OTOP3: variants seen among roughly 807,000 people sequenced by gnomAD.
OTOP3 encodes the protein otopetrin 3, also known as proton channel OTOP3.
In OTOP3, 41 loss-of-function variants were observed where a neutral mutation model predicts 50.8. That is an observed-to-expected ratio of 0.81 (90% confidence interval 0.63 to 1.05). OTOP3 has a LOEUF of 1.05. Ranked by LOEUF, OTOP3 falls within the 50% of genes least tolerant of loss-of-function variation. The probability of loss-of-function intolerance (pLI) is 0.00; values close to 1 mark genes in which losing one functional copy is unlikely to be tolerated. For synonymous variants in OTOP3, 320 were observed against 324.4 expected, an observed-to-expected ratio of 0.99 and a Z score of 0.14; for missense variants, 788 against 760.8, an observed-to-expected ratio of 1.04 and a Z score of -0.42.
chr17:74,943,764 A>T, intron 5 of OTOP3, 40 bp downstream of exon 5: 1 of 1,019,230 alleles, frequency 9.8e-7, no homozygotes, highest in East Asian at 2.8e-5. Context: ...CCTGAAACAC[A>T]CACACACACA....
rs377020764 is a variant in OTOP3 at position 74,941,802 on chromosome 17, G to C, written c.429G>C (p.Trp143Cys). Residue 143 changes from tryptophan to cysteine, a missense_variant, in exon 2 of 7, where the codon TGG becomes TGC. By Grantham distance (215) the Trp-to-Cys change is radical. Transcript: ENST00000328801. ...AAGATCCCCACGCGGGGCCCCTCTG[G>C]GTGCGGGGTGAGTGTCAGGTTGCTG... ...LYQDPHAGPL[W>C]VRGSLVLFGS... The C allele has an allele frequency of 9.0e-5, 145 of 1,608,814 alleles. No homozygotes were observed. The highest frequency in any genetic ancestry group is 1.2e-4 in the Non-Finnish European group (139 of 1,176,838).
chr17:74,941,417 C>A lies in OTOP3; in HGVS notation c.44C>A (p.Pro15His). Residue 15 changes from proline (P) to histidine (H), a missense_variant, in exon 2 of 7, where the codon CCT (proline) becomes CAT (histidine). Physicochemically the swap from Pro to His is moderately conservative, Grantham distance 77 (BLOSUM62 -2). Coordinates refer to ENST00000328801, the MANE Select transcript of OTOP3 (RefSeq NM_001272005.2). ...ASAPAEATPM[P>H]SSEAQETEAA... ...GCCCCTGCTGAGGCTACACCCATGC[C>A]TTCTTCAGAAGCACAGGAGACTGAA... 4 of 1,552,266 alleles carry A rather than the reference C, an allele frequency of 2.6e-6. No homozygotes were observed. The highest frequency in any genetic ancestry group is 3.5e-6 in the Non-Finnish European group (4 of 1,148,894).
intron 5 of OTOP3, among the ~76,000 whole-genome samples, 160 bp from the exon 6 acceptor site, chr17:74,946,501 A>G (rs1191495147): frequency 2.0e-5 from 3 of 152,168 alleles, no homozygotes; most frequent in Admixed American, 1.3e-4. Context: ...GGGATTTGTG[A>G]TCTCTTTGCC....
intron 6 of OTOP3, 47 bp downstream of exon 6, chr17:74,947,522 G>T (rs2039241879): frequency 6.7e-7 from 1 of 1,491,208 alleles, no homozygotes. Context: ...TGGCCAGGCA[G>T]ACCCAGAAAG....
At chr17:74,942,278 A>G (rs1338096032) in intron 3 of OTOP3, among the ~76,000 whole-genome samples, 2 of 152,162 alleles carry the variant, frequency 1.3e-5, no homozygotes, top group African/African-American at 4.8e-5. Flanking sequence ...CCAGCTGTCT[A>G]TGCGTATGTA....
intron 5 of OTOP3, among the ~76,000 whole-genome samples, chr17:74,946,022 G>C (rs2039221546): frequency 6.6e-6 from 1 of 151,890 alleles, no homozygotes; most frequent in Non-Finnish European, 1.5e-5. Context: ...CTGTCGCCCA[G>C]GCTGGAGTGC....
chr17:74,941,540 C>G lies in OTOP3; in HGVS notation c.167C>G (p.Ser56Cys). The change falls in exon 2 of 7, where the codon TCT (serine) becomes TGT (cysteine). Residue 56 changes from serine to cysteine, a missense_variant. By Grantham distance (112) the Ser-to-Cys change is moderately radical (BLOSUM62 -1). Transcript: ENST00000328801. ...RQKSWLVRHF[S>C]LLLRRDRQAQ... ...AAGTCCTGGCTGGTGAGGCATTTCT[C>G]TCTGCTGCTGCGGCGGGACCGGCAG... 2.5e-6 allele frequency: 4 copies of G among 1,613,902 alleles called. No individual in the cohort carries two copies. Among genetic ancestry groups the G allele is most frequent in the Non-Finnish European group, 3.4e-6 (4 of 1,179,852 alleles).
chr17:74,945,105 A>G (rs1312313873), intron 5 of OTOP3, among the ~76,000 whole-genome samples: 1 of 151,862 alleles, frequency 6.6e-6, no homozygotes, highest in African/African-American at 2.4e-5. Flanking sequence ...ATGCCAGCAC[A>G]CCCAGCTAAT....
intron 5 of OTOP3, among the ~76,000 whole-genome samples, chr17:74,944,339 C>T (rs1440380378): frequency 6.6e-6 from 1 of 152,202 alleles, no homozygotes; most frequent in African/African-American, 2.4e-5. Flanking sequence ...CATTCACATA[C>T]CCGCTGCATC....
chr17:74,946,815 A>AC lies in OTOP3; in HGVS notation c.910dup (p.His304ProfsTer123), dbSNP rs1311431872. The AC allele has an allele frequency of 6.2e-7, 1 of 1,611,248 alleles. No homozygotes were observed. Among genetic ancestry groups the AC allele is most frequent in the Non-Finnish European group, 8.5e-7 (1 of 1,179,992 alleles). On this transcript the variant is annotated frameshift_variant, in exon 6 of 7. Coordinates refer to ENST00000328801, the MANE Select transcript of OTOP3 (RefSeq NM_001272005.2). LOFTEE classifies it high-confidence loss of function. ...GGAAGAACGTGGGCCGCCACGTGGCACCCCACATGGGTGCCCACCCTGCCA... is the reference window on the plus strand; with the variant it reads ...GGAAGAACGTGGGCCGCCACGTGGCACCCCCACATGGGTGCCCACCCTGCCA...
rs148375074 is a variant in OTOP3 at position 74,949,390 on chromosome 17, C to A, written c.1711C>A (p.Leu571Met). The stretch of plus-strand genomic sequence containing the variant: ...CTACCGCATGCACTCTGTGGGAGGC[C>A]TGGTGGAGGTCTACCTGGGGGCCTG... ...VFYRMHSVGG[L>M]VEVYLGA The change falls in exon 7 of 7, where the codon CTG becomes ATG. Residue 571 changes from leucine to methionine, a missense_variant. Leu to Met is a conservative substitution (Grantham distance 15). Transcript: ENST00000328801. 5 of 1,613,266 alleles carry A rather than the reference C, an allele frequency of 3.1e-6. No individual in the cohort carries two copies. In the African/African-American group the frequency reaches 6.7e-5, roughly 22 times the overall value.
chr17:74,941,647 A>T lies in OTOP3; in HGVS notation c.274A>T (p.Ile92Phe). ...FLGGAFICSM[I>F]FNKVAVTLGD... is the part of the protein sequence containing the mutation. ...GGGTGGCGCCTTCATCTGCAGCATG[A>T]TCTTCAACAAGGTGGCCGTCACTCT... The change falls in exon 2 of 7, where the codon ATC (isoleucine) becomes TTC (phenylalanine). Residue 92 changes from isoleucine (I) to phenylalanine (F), a missense_variant. Transcript: ENST00000328801. 1.2e-6 allele frequency: 2 copies of T among 1,614,042 alleles called. No homozygotes were observed. Among genetic ancestry groups the T allele is most frequent in the South Asian group, 2.2e-5 (2 of 91,088 alleles).
chr17:74,942,277 T>C (rs1362490210), intron 3 of OTOP3, among the ~76,000 whole-genome samples: 2 of 152,230 alleles, frequency 1.3e-5, no homozygotes, highest in Non-Finnish European at 2.9e-5. Flanking sequence ...TCCAGCTGTC[T>C]ATGCGTATGT....
At chr17:74,943,003 A>G (rs2039192040) in intron 3 of OTOP3, among the ~76,000 whole-genome samples, 1 of 152,204 alleles carries the variant, frequency 6.6e-6, no homozygotes, top group African/African-American at 2.4e-5. Flanking sequence ...GTCACCAGGC[A>G]TTGTGTTGGG....
chr17:74,943,329 A>G lies in OTOP3; in HGVS notation c.617A>G (p.Gln206Arg). ...CACTGCAAAGACTGTGTTCGGGTCCAGACCAACTTCACTAGGTAAGACTTC... is the reference window on the plus strand; with the variant it reads ...CACTGCAAAGACTGTGTTCGGGTCCGGACCAACTTCACTAGGTAAGACTTC... ...WKHCKDCVRV[Q>R]TNFTRCGLML... Residue 206 changes from glutamine (Q) to arginine (R), a missense_variant, in exon 4 of 7, where the codon CAG (glutamine) becomes CGG (arginine). By Grantham distance (43) the Gln-to-Arg change is conservative (BLOSUM62 1). Coordinates refer to ENST00000328801, the MANE Select transcript of OTOP3 (RefSeq NM_001272005.2). 6.2e-7 allele frequency: 1 copy of G among 1,614,184 alleles called. No homozygotes were observed. Among genetic ancestry groups the G allele is most frequent in the African/African-American group, 1.3e-5 (1 of 75,070 alleles).
rs1384730394 is a variant in OTOP3, at chr17:74,941,586, C to A, written c.213C>A (p.Leu71=). Residue 71 remains leucine (L), a synonymous_variant, in exon 2 of 7, where the codon CTC becomes CTA. Transcript: ENST00000328801. ...GGCAGGCCCAGAAGGCTGGACAACT[C>A]TTCTCGGGGCTCCTGGCCCTGAATG... ...RDRQAQKAGQ[L]FSGLLALNVV... 1.2e-6 allele frequency: 2 copies of A among 1,612,226 alleles called. No homozygotes were observed. Among genetic ancestry groups the A allele is most frequent in the African/African-American group, 2.7e-5 (2 of 74,918 alleles).
At chr17:74,947,544 A>C (rs2039242231) in intron 6 of OTOP3, 69 bp downstream of exon 6, 1 of 1,385,238 alleles carries the variant, frequency 7.2e-7, no homozygotes, top group Non-Finnish European at 9.7e-7. Flanking sequence ...CTCACTCAGG[A>C]AGGGATGGAT....
chr17:74,942,110 C>A, intron 3 of OTOP3, 73 bp downstream of exon 3: 1 of 1,511,072 alleles, frequency 6.6e-7, no homozygotes, highest in Non-Finnish European at 8.9e-7. Context: ...ACACCTCCCA[C>A]TACCTATGCC....
intron 1 of OTOP3, among the ~76,000 whole-genome samples, chr17:74,937,661 C>G (rs535516185): frequency 6.6e-6 from 1 of 152,154 alleles, no homozygotes; most frequent in Non-Finnish European, 1.5e-5. Flanking sequence ...GTCCACAGCT[C>G]TGGTGCTGAA....
Sources: allele counts gnomAD v4.1 joint callset (sites outside exome capture counted in the v4.1 genomes callset), GRCh38; gene constraint gnomAD v4.1.1; transcripts MANE v1.5; gene names NCBI Gene and HGNC (gene_info 2026-07-23, HGNC 2026-07-21).